IFNLR1: variants seen among roughly 807,000 people sequenced by gnomAD.
IFNLR1 encodes interferon lambda receptor 1, also known as CRF2-12.
A neutral mutation model predicts 52.5 loss-of-function variants in IFNLR1; 28 were observed. That is an observed-to-expected ratio of 0.53 (90% CI 0.40 to 0.73). The LOEUF (loss-of-function observed/expected upper bound fraction) is 0.73. IFNLR1 is among the 30% of genes least tolerant of loss of function. The pLI, the probability that IFNLR1 is intolerant of heterozygous loss-of-function variation, is 0.00. For missense variants in IFNLR1, 623 were observed against 659.1 expected, an observed-to-expected ratio of 0.95 and a Z score of 0.60; for synonymous variants, 276 against 274.9, an observed-to-expected ratio of 1.00 and a Z score of -0.04.
rs1644443502 is a variant in IFNLR1 at position 24,161,572 on chromosome 1, C to T, written c.480G>A (p.Val160=). The change falls in exon 4 of 7, where the codon GTG becomes GTA. Residue 160 remains valine, a synonymous_variant. Coordinates refer to ENST00000327535, the MANE Select transcript of IFNLR1 (RefSeq NM_170743.4). ...CMPPLDLKYE[V]AFWKEGAGNK... is the part of the protein sequence containing the mutation. ...TTCCGGCCCCCTCCTTCCAGAATGC[C>T]ACCTCATACTTCAGATCCAGTGGGG... is the stretch of plus-strand genomic sequence containing the variant. 2 of 1,556,094 alleles carry T rather than the reference C, an allele frequency of 1.3e-6. No homozygotes were observed. The highest frequency in any genetic ancestry group is 4.7e-5 in the East Asian group (2 of 42,118).
intron 3 of IFNLR1, 50 bp from the exon 4 acceptor site, chr1:24,161,734 C>T (rs1023499157): frequency 6.9e-6 from 10 of 1,444,326 alleles, no homozygotes; most frequent in Middle Eastern, 4.8e-4. Flanking sequence ...GCCGCACTGC[C>T]TCCATCCCCC....
intron 4 of IFNLR1, among the ~76,000 whole-genome samples, chr1:24,159,918 A>T (rs907877470): frequency 4.6e-5 from 7 of 151,812 alleles, no homozygotes; most frequent in Non-Finnish European, 2.9e-5. Context: ...GTAATTTTTT[A>T]AAATTATTTT....
Position 24,180,609 on chromosome 1 carries a change from C to T in IFNLR1, c.182+122G>A, listed in dbSNP as rs180726202. On this transcript the variant is annotated intron_variant, in intron 2 of 6. Coordinates refer to ENST00000327535, the MANE Select transcript of IFNLR1 (RefSeq NM_170743.4). The stretch of plus-strand genomic sequence containing the variant: ...CAAATGCCGGCCACATGCCATCTCC[C>T]GTAGGGCCCAGAGAGCTAGCCAGTG... 4.0e-3 allele frequency: 3,724 copies of T among 942,612 alleles called. 20 individuals are homozygous for T. The highest frequency in any genetic ancestry group is 6.3e-3 in the Middle Eastern group (19 of 3,024). The allele number at this position is 942,612 out of a possible 1,614,324, so 58.4% of individuals were successfully genotyped here.
At chr1:24,176,005 A>G (rs970149964) in intron 2 of IFNLR1, among the ~76,000 whole-genome samples, 4 of 151,962 alleles carry the variant, frequency 2.6e-5, no homozygotes, top group African/African-American at 7.2e-5. Context: ...TGAAAAGGAC[A>G]CAAATTTTGG....
intron 2 of IFNLR1, among the ~76,000 whole-genome samples, chr1:24,176,406 G>T (rs778052918): frequency 3.9e-5 from 6 of 152,204 alleles, no homozygotes; most frequent in Non-Finnish European, 8.8e-5. Context: ...TGATTGTGGT[G>T]GTGGGTACGT....
intron 3 of IFNLR1, among the ~76,000 whole-genome samples, chr1:24,162,876 T>TCTCCTTCCTTCCTTCCTTCCTTCC (rs1644474541): frequency 8.9e-5 from 2 of 22,582 alleles, no homozygotes; most frequent in Non-Finnish European, 1.6e-4. Context: ...TCTTTCTTTC[T>TCTCCTTCCTTCCTTCCTTCCTTCC]TTCCTTCCTT....
At chr1:24,162,719 CTTTCT>C (rs755519329) in intron 3 of IFNLR1, among the ~76,000 whole-genome samples, 1,108 of 43,234 alleles carry the variant, frequency 0.026, 224 homozygotes, top group Middle Eastern at 0.054. Flanking sequence ...TTCTTTCTTT[CTTTCT>C]TTTCTTTCTT....
intron 3 of IFNLR1, among the ~76,000 whole-genome samples, chr1:24,168,891 C>T (rs1236074695): frequency 6.6e-6 from 1 of 152,094 alleles, no homozygotes; most frequent in Non-Finnish European, 1.5e-5. Flanking sequence ...TTACAGGTGC[C>T]TGCCACCAAG....
chr1:24,169,569 T>C lies in IFNLR1; in HGVS notation c.215A>G (p.Glu72Gly), dbSNP rs1164265254. The C allele has an allele frequency of 3.1e-6, 5 of 1,614,030 alleles. No homozygotes were observed. The highest frequency in any genetic ancestry group is 4.2e-6 in the Non-Finnish European group (5 of 1,179,942). The change falls in exon 3 of 7, where the codon GAA (glutamate) becomes GGA (glycine). Residue 72 changes from glutamate to glycine, a missense_variant. Glu to Gly is a moderately conservative substitution (Grantham distance 98, BLOSUM62 -2). Coordinates refer to ENST00000327535, the MANE Select transcript of IFNLR1 (RefSeq NM_170743.4). ...CAGCTCCTTGGTTCCCGCACACTCT[T>C]CCACTTCGCGCCACCGTCTACGGGT... Reference protein sequence around the residue: ...SPTRRRWREVEECAGTKELLC... With the variant: ...SPTRRRWREVGECAGTKELLC...
At chr1:24,187,095 C>G (rs1287488067) in intron 1 of IFNLR1, 96 bp downstream of exon 1, 2 of 791,258 alleles carry the variant, frequency 2.5e-6, no homozygotes, top group Non-Finnish European at 3.6e-6. Context: ...TGGCTGCGGA[C>G]CCCGTGCCTG....
intron 3 of IFNLR1, among the ~76,000 whole-genome samples, chr1:24,164,687 T>G (rs1644499884): frequency 1.3e-5 from 2 of 152,208 alleles, no homozygotes; most frequent in Non-Finnish European, 2.9e-5. Context: ...TACTTTGATC[T>G]TTTATCTTCC....
Position 24,159,129 on chromosome 1 carries a change from T to C in IFNLR1, c.724A>G (p.Ile242Val), listed in dbSNP as rs752630747. The change falls in exon 6 of 7, where the codon ATT (isoleucine) becomes GTT (valine). Residue 242 changes from isoleucine (I) to valine (V), a missense_variant. Transcript: ENST00000327535. ...LPSLLILLLV[I>V]AAGGVIWKTL... Reference sequence around the variant, plus strand: ...TTCCAGATCACACCCCCTGCGGCAATTACTAACAGCAGTATCAGAAGCGAT... The same window carrying C: ...TTCCAGATCACACCCCCTGCGGCAACTACTAACAGCAGTATCAGAAGCGAT... 1.7e-5 allele frequency: 28 copies of C among 1,613,942 alleles called. No homozygotes were observed. Among genetic ancestry groups the C allele is most frequent in the Non-Finnish European group, 2.4e-5 (28 of 1,180,010 alleles).
In IFNLR1 at chr1:24,162,707, TTTTCTTTCTTTCTTTCTTTTC is replaced by T. The variant is rs1473874032; in HGVS notation, c.368-1044_368-1024del. 1.0e-3 allele frequency among the ~76,000 whole-genome samples: 23 copies of T among 22,182 alleles called. 3 individuals carry two copies. The highest frequency in any genetic ancestry group is 4.2e-3 in the African/African-American group (22 of 5,230). The allele number at this position is 22,182 out of a possible 152,430, so 14.6% of individuals were successfully genotyped here. A position where few individuals can be genotyped will look rare whatever the true frequency, so the allele number is the denominator to read the frequency against. On this transcript the variant is annotated intron_variant, in intron 3 of 6. Transcript: ENST00000327535. ...GAGGGCAGAACTCACTTTTCTTTTCTTTTCTTTCTTTCTTTCTTTTCTTTCTTTCTTTCTTTCTTTCTTTCT... is the reference window on the plus strand; with the variant it reads ...GAGGGCAGAACTCACTTTTCTTTTCTTTTCTTTCTTTCTTTCTTTCTTTCT...
chr1:24,177,312 G>C (rs1468560760), intron 2 of IFNLR1, among the ~76,000 whole-genome samples: 1 of 152,222 alleles, frequency 6.6e-6, no homozygotes, highest in African/African-American at 2.4e-5. Flanking sequence ...AGAAGCCATA[G>C]TGACTCAGTC....
At chr1:24,161,450 G>T (rs1437848470) in intron 4 of IFNLR1, 92 bp downstream of exon 4, 4 of 1,411,088 alleles carry the variant, frequency 2.8e-6, no homozygotes, top group African/African-American at 1.4e-5. Context: ...CTGGAGGAGG[G>T]GTGCAGGAGC....
At position 24,162,793 on chromosome 1, in the gene IFNLR1, T is replaced by TC. The variant is rs1347594909; in HGVS notation, c.368-1110_368-1109insG. ...CTTTCTTTCTTTTTCTTTCTTTTTC[T>TC]TTCTTTCTTTTTTCTTTCTTTTTTT... is the stretch of plus-strand genomic sequence containing the variant. On this transcript the variant is annotated intron_variant, in intron 3 of 6. Coordinates refer to ENST00000327535, the MANE Select transcript of IFNLR1 (RefSeq NM_170743.4). 3.0e-3 allele frequency among the ~76,000 whole-genome samples: 266 copies of TC among 89,030 alleles called. 21 individuals are homozygous for TC. The highest frequency in any genetic ancestry group is 5.8e-3 in the Middle Eastern group (1 of 172). 58.4% of individuals were successfully genotyped at this position (89,030 alleles called of 152,430 possible).
At chr1:24,184,178 G>T (rs576559434) in intron 1 of IFNLR1, among the ~76,000 whole-genome samples, 1 of 152,050 alleles carries the variant, frequency 6.6e-6, no homozygotes, top group Non-Finnish European at 1.5e-5. Context: ...CTTTGCACAC[G>T]CTGTTCCCTC....
chr1:24,184,507 C>T (rs1335691161), intron 1 of IFNLR1, among the ~76,000 whole-genome samples: 1 of 152,162 alleles, frequency 6.6e-6, no homozygotes, highest in African/African-American at 2.4e-5. Context: ...TTGCTGCTCT[C>T]TCCCCAACAG....
chr1:24,164,903 C>T (rs958606722), intron 3 of IFNLR1, among the ~76,000 whole-genome samples: 16 of 151,990 alleles, frequency 1.1e-4, no homozygotes, highest in African/African-American at 3.6e-4. Context: ...GCTGGGATTA[C>T]AGGTGCCCGC....
Sources: allele counts gnomAD v4.1 joint callset (sites outside exome capture counted in the v4.1 genomes callset), GRCh38; gene constraint gnomAD v4.1.1; transcripts MANE v1.5; gene names NCBI Gene and HGNC (gene_info 2026-07-23, HGNC 2026-07-21).